GLI3: variants seen among roughly 807,000 people sequenced by gnomAD.
GLI3 encodes GLI family zinc finger 3.
A neutral mutation model predicts 100.8 loss-of-function variants in GLI3; 20 were observed. The ratio of observed to expected loss-of-function variants is 0.20; its 90% CI spans 0.14 to 0.29. The LOEUF (loss-of-function observed/expected upper bound fraction) is 0.29. Among genes scored for constraint, GLI3 ranks in the 10% least tolerant of loss-of-function variants. GLI3 has a pLI of 1.00. For missense variants in GLI3, 2,040 were observed against 2,128.5 expected (o/e 0.96, Z 0.82); for synonymous variants, 938 against 860.5 (o/e 1.09, Z -1.58).
chr7:42,068,963 T>C (rs1313907124), intron 4 of GLI3, among the ~76,000 whole-genome samples: 1 of 152,188 alleles, frequency 6.6e-6, no homozygotes, highest in Admixed American at 6.5e-5. Context: ...TCTGTTTTCT[T>C]TGAAGCCAGG....
At chr7:42,150,444 T>C (rs1786828041) in intron 2 of GLI3, among the ~76,000 whole-genome samples, 1 of 152,234 alleles carries the variant, frequency 6.6e-6, no homozygotes, top group Non-Finnish European at 1.5e-5. Flanking sequence ...CTAAAACTTA[T>C]GTCAGTTTTA....
In GLI3 at chr7:42,054,933, T is replaced by A. The variant is rs1187215487; in HGVS notation, c.474-6237A>T. ...TCACTTGAGCCTGGGAGGTTGAGGC[T>A]GCAGTGGGCCATGAGTGCACCACTG... On this transcript the variant is annotated intron_variant, in intron 4 of 14. Transcript: ENST00000395925. Among the ~76,000 whole-genome samples the A allele has an allele frequency of 4.6e-5, 7 of 151,914 alleles. No individual in the cohort carries two copies. In the East Asian group the frequency reaches 1.4e-3, roughly 30 times the overall value.
intron 5 of GLI3, among the ~76,000 whole-genome samples, chr7:42,047,133 G>C (rs924837502): frequency 1.3e-5 from 2 of 152,128 alleles, no homozygotes; most frequent in African/African-American, 4.8e-5. Flanking sequence ...TCCAGCCTGG[G>C]GAACAAAGTG....
At chr7:42,003,918 T>C (rs1788380043) in intron 10 of GLI3, among the ~76,000 whole-genome samples, 1 of 152,186 alleles carries the variant, frequency 6.6e-6, no homozygotes, top group African/African-American at 2.4e-5. Context: ...GTGAAACTTA[T>C]AAATAAACAG....
intron 3 of GLI3, among the ~76,000 whole-genome samples, chr7:42,134,828 A>G (rs1786387168): frequency 6.6e-6 from 1 of 152,014 alleles, no homozygotes; most frequent in Admixed American, 6.6e-5. Context: ...GCAGTTCACA[A>G]CTCCTCATAA....
intron 4 of GLI3, among the ~76,000 whole-genome samples, chr7:42,071,970 T>C (rs1784792045): frequency 6.6e-6 from 1 of 151,926 alleles, no homozygotes; most frequent in African/African-American, 2.4e-5. Flanking sequence ...GGAGACACAT[T>C]GACTCAACAA....
At chr7:42,143,877 A>G (rs1450283036) in intron 3 of GLI3, among the ~76,000 whole-genome samples, 1 of 152,218 alleles carries the variant, frequency 6.6e-6, no homozygotes, top group African/African-American at 2.4e-5. Flanking sequence ...AAAACTGTAA[A>G]GGAGACCTGA....
At chr7:42,230,335 T>C (rs1215130541) in intron 1 of GLI3, among the ~76,000 whole-genome samples, 3 of 152,208 alleles carry the variant, frequency 2.0e-5, no homozygotes, top group African/African-American at 7.2e-5. Context: ...CTTTCCTACA[T>C]TTCTGATGCT....
chr7:42,203,519 G>A (rs1175265269), intron 2 of GLI3, among the ~76,000 whole-genome samples: 1 of 152,088 alleles, frequency 6.6e-6, no homozygotes, highest in African/African-American at 2.4e-5. Flanking sequence ...TTGACATAAT[G>A]TCCTCCAGTT....
chr7:42,227,234 A>G (rs1395953027), intron 1 of GLI3, among the ~76,000 whole-genome samples: 2 of 151,876 alleles, frequency 1.3e-5, no homozygotes, highest in Non-Finnish European at 2.9e-5. Flanking sequence ...GAAACATTAC[A>G]TGCAAGATTT....
At chr7:42,128,433 CAA>C (rs759706158) in intron 3 of GLI3, among the ~76,000 whole-genome samples, 1 of 152,118 alleles carries the variant, frequency 6.6e-6, no homozygotes, top group Non-Finnish European at 1.5e-5. Context: ...GTAAGATTTT[CAA>C]AAGACTTTTT....
chr7:42,207,100 G>A (rs910919830), intron 2 of GLI3, among the ~76,000 whole-genome samples: 2 of 152,146 alleles, frequency 1.3e-5, no homozygotes, highest in Non-Finnish European at 2.9e-5. Context: ...CTTGGGAAGA[G>A]TATTAGGCAG....
chr7:42,261,984 CTTT>C (rs1562803513), intron 1 of GLI3, among the ~76,000 whole-genome samples: 1 of 132,538 alleles, frequency 7.5e-6, no homozygotes. Context: ...CTCTCTCTTT[CTTT>C]CTTTCTTTCT....
intron 2 of GLI3, among the ~76,000 whole-genome samples, chr7:42,221,451 G>T (rs1356126224): frequency 6.6e-6 from 1 of 151,960 alleles, no homozygotes; most frequent in Non-Finnish European, 1.5e-5. Context: ...ATGCTCACAC[G>T]CATGCACACT....
chr7:42,178,780 G>T (rs1265031322), intron 2 of GLI3, among the ~76,000 whole-genome samples: 4 of 152,184 alleles, frequency 2.6e-5, no homozygotes, highest in East Asian at 3.9e-4. Context: ...AATAAAAGTA[G>T]AGTGGTGTTC....
intron 2 of GLI3, among the ~76,000 whole-genome samples, chr7:42,210,122 A>G (rs1788236612): frequency 6.6e-6 from 1 of 151,948 alleles, no homozygotes; most frequent in Non-Finnish European, 1.5e-5. Flanking sequence ...TTGCTGGTGA[A>G]GACGCCCCGC....
At chr7:41,992,701 G>C (rs976929696) in intron 10 of GLI3, among the ~76,000 whole-genome samples, 4 of 152,110 alleles carry the variant, frequency 2.6e-5, no homozygotes, top group Non-Finnish European at 4.4e-5. Flanking sequence ...GAGAACAAAG[G>C]ACACAGTAAA....
In GLI3 at chr7:41,965,975, G is replaced by C. The variant is rs376956433; in HGVS notation, c.3098C>G (p.Pro1033Arg). The C allele has an allele frequency of 1.2e-6, 2 of 1,606,950 alleles. No individual in the cohort carries two copies. The highest frequency in any genetic ancestry group is 1.7e-5 in the Admixed American group (1 of 59,978). Residue 1033 changes from proline (P) to arginine (R), a missense_variant, in exon 15 of 15, where the codon CCG (proline) becomes CGG (arginine). Physicochemically the swap from Pro to Arg is moderately radical, Grantham distance 103. Transcript: ENST00000395925. ...CTTCTCCGCGGACGTGGCCATCGCC[G>C]GGGGGTTGCAGCTGCTGAGGCTGCT... ...RFSSLSSCNP[P>R]AMATSAEKRS...
intron 2 of GLI3, among the ~76,000 whole-genome samples, chr7:42,208,817 T>G (rs1358778319): frequency 6.6e-6 from 1 of 152,130 alleles, no homozygotes; most frequent in Non-Finnish European, 1.5e-5. Flanking sequence ...TCCAAAATGT[T>G]CCTTCTGGCT....
Sources: allele counts gnomAD v4.1 joint callset (sites outside exome capture counted in the v4.1 genomes callset), GRCh38; gene constraint gnomAD v4.1.1; transcripts MANE v1.5; gene names NCBI Gene and HGNC (gene_info 2026-07-23, HGNC 2026-07-21).